PARD3: variants seen among roughly 807,000 people sequenced by gnomAD.
PARD3 encodes the protein par-3 family cell polarity regulator, also known as partitioning defective 3 homolog.
Under a neutral mutation model 155.4 loss-of-function variants are expected in PARD3, and 75 were observed. That is an observed-to-expected ratio of 0.48 (90% CI 0.40 to 0.58). The LOEUF (loss-of-function observed/expected upper bound fraction) is 0.58. Among genes scored for constraint, PARD3 ranks in the 20% least tolerant of loss-of-function variants. The pLI, the probability that PARD3 is intolerant of heterozygous loss-of-function variation, is 0.00. For missense variants in PARD3, 1,642 were observed against 1,721.7 expected, an observed-to-expected ratio of 0.95 and a Z score of 0.82; for synonymous variants, 576 against 610.5, an observed-to-expected ratio of 0.94 and a Z score of 0.83.
intron 2 of PARD3, among the ~76,000 whole-genome samples, chr10:34,641,189 CTT>C (rs2092667960): frequency 6.6e-6 from 1 of 152,172 alleles, no homozygotes; most frequent in Admixed American, 6.5e-5. Flanking sequence ...CACGAACACA[CTT>C]TATTTTATAA....
chr10:34,556,747 C>T (rs1297435798), intron 2 of PARD3, among the ~76,000 whole-genome samples: 1 of 152,046 alleles, frequency 6.6e-6, no homozygotes, highest in Non-Finnish European at 1.5e-5. Context: ...CATGTCTGTT[C>T]CAGTCATGAA....
chr10:34,666,810 TATATATACACACACACAC>T (rs947990780), intron 2 of PARD3, among the ~76,000 whole-genome samples: 1 of 88,126 alleles, frequency 1.1e-5, no homozygotes, highest in African/African-American at 4.9e-5. Flanking sequence ...TATATATATA[TATATATACACACACACAC>T]ACACACACAA....
intron 22 of PARD3, among the ~76,000 whole-genome samples, chr10:34,155,229 G>C (rs1422817627): frequency 6.6e-6 from 1 of 152,072 alleles, no homozygotes; most frequent in Non-Finnish European, 1.5e-5. Context: ...TTCTGGACTG[G>C]GGACTGATTA....
At chr10:34,497,398 A>G (rs906958923) in intron 3 of PARD3, among the ~76,000 whole-genome samples, 1 of 152,194 alleles carries the variant, frequency 6.6e-6, no homozygotes, top group Non-Finnish European at 1.5e-5. Flanking sequence ...TTATATGCAA[A>G]CTATTACACA....
intron 2 of PARD3, among the ~76,000 whole-genome samples, chr10:34,550,020 G>A (rs543339882): frequency 6.6e-6 from 1 of 152,208 alleles, no homozygotes; most frequent in South Asian, 2.1e-4. Context: ...CAAGAGCCTT[G>A]CTGGACCTTC....
At chr10:34,417,806 C>T (rs1845813498) in intron 5 of PARD3, among the ~76,000 whole-genome samples, 1 of 152,038 alleles carries the variant, frequency 6.6e-6, no homozygotes, top group South Asian at 2.1e-4. Context: ...ACCAAATTAC[C>T]AATGTGATTT....
chr10:34,730,764 T>C (rs1234157839), intron 1 of PARD3, among the ~76,000 whole-genome samples: 1 of 152,206 alleles, frequency 6.6e-6, no homozygotes, highest in Non-Finnish European at 1.5e-5. Context: ...TCAGCCAAGG[T>C]GACTCTGTCT....
At chr10:34,559,188 G>A (rs762340759) in intron 2 of PARD3, among the ~76,000 whole-genome samples, 3 of 152,038 alleles carry the variant, frequency 2.0e-5, no homozygotes, top group African/African-American at 2.4e-5. Context: ...AATTGCGGAC[G>A]TGTCTCACAA....
At chr10:34,482,830 A>G (rs1189683892) in intron 3 of PARD3, among the ~76,000 whole-genome samples, 1 of 151,996 alleles carries the variant, frequency 6.6e-6, no homozygotes, top group African/African-American at 2.4e-5. Context: ...TGAACAGGTA[A>G]GAGTGAGCTA....
intron 7 of PARD3, among the ~76,000 whole-genome samples, chr10:34,393,102 C>T (rs574381882): frequency 6.7e-6 from 1 of 148,732 alleles, no homozygotes; most frequent in Admixed American, 6.8e-5. Context: ...AATCTTTGAT[C>T]TGAGATATCA....
In PARD3 at chr10:34,111,550, T is replaced by G. The variant is rs376422222; in HGVS notation, c.3681A>C (p.Lys1227Asn). Residue 1227 changes from lysine (K) to asparagine (N), a missense_variant, in exon 25 of 25, where the codon AAA becomes AAC. Lys to Asn is a moderately conservative substitution (Grantham distance 94). Transcript: ENST00000374788. ...AGTCCTGGGAGACCGAGCTGGCATT[T>G]TTCCTGCTTTGCCTAGAAAGCAAAA... ...QYSSLPRQSR[K>N]NASSVSQDSW... The G allele has an allele frequency of 6.3e-7, 1 of 1,594,968 alleles. No individual in the cohort carries two copies. The highest frequency in any genetic ancestry group is 8.6e-7 in the Non-Finnish European group (1 of 1,167,504).
At chr10:34,408,434 T>C (rs1427070710) in intron 5 of PARD3, among the ~76,000 whole-genome samples, 1 of 152,214 alleles carries the variant, frequency 6.6e-6, no homozygotes, top group Admixed American at 6.5e-5. Flanking sequence ...AGCTATGGTA[T>C]CCTAGAGAAA....
rs557573449 is a variant in PARD3 at position 34,370,582 on chromosome 10, G to A, written c.1707+1916C>T. On this transcript the variant is annotated intron_variant, in intron 12 of 24. Coordinates refer to ENST00000374788, the MANE Select transcript of PARD3 (RefSeq NM_001184785.2). ...GCACCTGGCCCTGACTACATGTTTC[G>A]AAAGAACATCCCTATCTTTACTACT... 4.2e-4 allele frequency among the ~76,000 whole-genome samples: 64 copies of A among 151,960 alleles called. 1 individual carries two copies. Among genetic ancestry groups the A allele is most frequent in the Non-Finnish European group, 3.1e-4 (21 of 67,988 alleles).
At chr10:34,653,912 T>C (rs1336275695) in intron 2 of PARD3, among the ~76,000 whole-genome samples, 1 of 152,122 alleles carries the variant, frequency 6.6e-6, no homozygotes, top group African/African-American at 2.4e-5. Flanking sequence ...TTGACTTAGA[T>C]TACTTGGAGA....
At chr10:34,355,650 G>A (rs1363907626) in intron 14 of PARD3, among the ~76,000 whole-genome samples, 1 of 151,820 alleles carries the variant, frequency 6.6e-6, no homozygotes, top group Non-Finnish European at 1.5e-5. Flanking sequence ...CAGACCTGGT[G>A]GGGCGCAGTG....
chr10:34,457,324 C>T (rs528847115), intron 4 of PARD3, among the ~76,000 whole-genome samples: 2 of 152,242 alleles, frequency 1.3e-5, no homozygotes, highest in Admixed American at 1.3e-4. Context: ...AGAGAAAGAC[C>T]AGCAAAACTC....
At chr10:34,302,020 T>TAAA (rs1017047311) in intron 20 of PARD3, among the ~76,000 whole-genome samples, 3 of 152,208 alleles carry the variant, frequency 2.0e-5, no homozygotes, top group African/African-American at 7.2e-5. Flanking sequence ...AGGAATCTTT[T>TAAA]AATTTTCTAA....
intron 4 of PARD3, among the ~76,000 whole-genome samples, chr10:34,465,430 T>C (rs1452742193): frequency 6.6e-6 from 1 of 152,190 alleles, no homozygotes; most frequent in Non-Finnish European, 1.5e-5. Context: ...AAAAGCGAGA[T>C]GACAAAGACA....
chr10:34,464,137 C>T (rs550292357), intron 4 of PARD3, among the ~76,000 whole-genome samples: 37 of 151,244 alleles, frequency 2.4e-4, no homozygotes, highest in South Asian at 1.5e-3. Flanking sequence ...AAAAAAAGAC[C>T]GAGCCCTGAA....
Sources: gnomAD v4.1 joint callset for allele counts (sites outside exome capture counted in the v4.1 genomes callset) on GRCh38, gnomAD v4.1.1 for gene constraint, MANE v1.5 for transcripts, NCBI Gene and HGNC (gene_info 2026-07-23, HGNC 2026-07-21) for gene names.